The following UBE2E1 variants were observed in gnomAD, a reference collection of about 807,000 sequenced individuals.
UBE2E1 encodes the protein ubiquitin conjugating enzyme E2 E1.
A neutral mutation model predicts 21.4 loss-of-function variants in UBE2E1; 6 were observed. The ratio of observed to expected loss-of-function variants is 0.28; its 90% confidence interval spans 0.15 to 0.55. UBE2E1 has a LOEUF of 0.55. Ranked by LOEUF, UBE2E1 falls within the 20% of genes least tolerant of loss-of-function variation. The probability of loss-of-function intolerance (pLI) is 0.93; values close to 1 mark genes in which losing one functional copy is unlikely to be tolerated. For synonymous variants in UBE2E1, 87 were observed against 82.7 expected (o/e 1.05, Z -0.28); for missense variants, 142 against 236.5 (o/e 0.60, Z 2.62).
In UBE2E1 at chr3:23,887,908, T is replaced by C; in HGVS notation, c.336+209T>C. 1.6e-6 allele frequency: 1 copy of C among 613,728 alleles called. No homozygotes were observed. The highest frequency in any genetic ancestry group is 2.7e-6 in the Non-Finnish European group (1 of 368,828). The allele number at this position is 613,728 out of a possible 1,614,324, so 38.0% of individuals were successfully genotyped here. On this transcript the variant is annotated intron_variant, in intron 4 of 5. Coordinates refer to ENST00000306627, the MANE Select transcript of UBE2E1 (RefSeq NM_003341.5). The surrounding 1 kb of genome is among the most constrained non-coding windows in gnomAD (Gnocchi z 4.4). Reference sequence around the variant, plus strand: ...TCTAGGATTAAGTGCTTTGTTTTGATGGTGCTTAAAATTGTGCTATTTATA... The same window carrying C: ...TCTAGGATTAAGTGCTTTGTTTTGACGGTGCTTAAAATTGTGCTATTTATA...
chr3:23,850,837 CTTTTTTTT>C (rs71057628), intron 3 of UBE2E1, among the ~76,000 whole-genome samples: 168 of 128,448 alleles, frequency 1.3e-3, no homozygotes, highest in African/African-American at 4.3e-3. Flanking sequence ...CCACACCCAG[CTTTTTTTT>C]TTTTTTTTTT....
At chr3:23,811,234 GC>G (rs926022532) in intron 2 of UBE2E1, among the ~76,000 whole-genome samples, 3 of 152,232 alleles carry the variant, frequency 2.0e-5, no homozygotes, top group African/African-American at 7.2e-5. Context: ...AAGGTTGGAA[GC>G]CAAACTTTGC....
intron 3 of UBE2E1, among the ~76,000 whole-genome samples, chr3:23,879,870 C>G (rs1255236997): frequency 6.6e-6 from 1 of 152,226 alleles, no homozygotes; most frequent in East Asian, 1.9e-4. Flanking sequence ...AATATCTGAA[C>G]TATGGTTTAT....
intron 3 of UBE2E1, among the ~76,000 whole-genome samples, chr3:23,878,192 T>C (rs1258939258): frequency 6.6e-6 from 1 of 152,160 alleles, no homozygotes; most frequent in African/African-American, 2.4e-5. Flanking sequence ...CTACATTTAC[T>C]CATCTTCCAC....
chr3:23,882,470 C>G (rs921132307), intron 3 of UBE2E1, among the ~76,000 whole-genome samples: 4 of 152,248 alleles, frequency 2.6e-5, no homozygotes, highest in Non-Finnish European at 5.9e-5. Context: ...TTGGCTTTGC[C>G]TAGTGGATCC....
intron 4 of UBE2E1, among the ~76,000 whole-genome samples, chr3:23,888,414 T>G (rs1701246723): frequency 6.6e-6 from 1 of 152,216 alleles, no homozygotes; most frequent in African/African-American, 2.4e-5. Flanking sequence ...TTTAAAAAAT[T>G]GGTAAAATTA....
At chr3:23,820,692 A>G (rs894070118) in intron 3 of UBE2E1, among the ~76,000 whole-genome samples, 56 of 152,358 alleles carry the variant, frequency 3.7e-4, no homozygotes, top group Admixed American at 2.5e-3. Context: ...CAGATTTGCC[A>G]CAGGTGCCAC....
intron 3 of UBE2E1, among the ~76,000 whole-genome samples, chr3:23,817,708 G>T (rs972161030): frequency 2.0e-5 from 3 of 152,110 alleles, no homozygotes; most frequent in Non-Finnish European, 2.9e-5. Flanking sequence ...ATTCGTGATG[G>T]AACAGTGTAA....
At chr3:23,855,622 G>A (rs1279639652) in intron 3 of UBE2E1, among the ~76,000 whole-genome samples, 1 of 152,116 alleles carries the variant, frequency 6.6e-6, no homozygotes, top group Admixed American at 6.5e-5. Context: ...GAGGTCAGGA[G>A]ATCGAGACCA....
intron 3 of UBE2E1, among the ~76,000 whole-genome samples, chr3:23,860,188 CT>C (rs1446486080): frequency 6.6e-6 from 1 of 152,210 alleles, no homozygotes; most frequent in African/African-American, 2.4e-5. Flanking sequence ...TTTCTGGGTG[CT>C]TTCACCTTGG....
intron 3 of UBE2E1, among the ~76,000 whole-genome samples, chr3:23,847,689 G>T (rs894160008): frequency 2.0e-5 from 3 of 151,658 alleles, no homozygotes; most frequent in Non-Finnish European, 4.4e-5. Context: ...TAGAGACGGG[G>T]TTTCACCGTG....
At chr3:23,861,616 T>C (rs982647372) in intron 3 of UBE2E1, among the ~76,000 whole-genome samples, 5 of 152,134 alleles carry the variant, frequency 3.3e-5, no homozygotes. Flanking sequence ...ACACACAAGC[T>C]GGATGCCGAG....
chr3:23,855,157 G>C (rs1700407287), intron 3 of UBE2E1, among the ~76,000 whole-genome samples: 1 of 152,132 alleles, frequency 6.6e-6, no homozygotes, highest in Non-Finnish European at 1.5e-5. Flanking sequence ...AGCAGTCTTT[G>C]GGTTTAAGTA....
chr3:23,821,930 AC>A (rs771730450), intron 3 of UBE2E1, among the ~76,000 whole-genome samples: 5 of 152,106 alleles, frequency 3.3e-5, no homozygotes, highest in Non-Finnish European at 5.9e-5. Context: ...TGTAAAGGAG[AC>A]CTTACCAAAC....
chr3:23,856,636 C>G (rs1263410724), intron 3 of UBE2E1, among the ~76,000 whole-genome samples: 1 of 152,182 alleles, frequency 6.6e-6, no homozygotes, highest in East Asian at 1.9e-4. Flanking sequence ...CTAAACCCTT[C>G]CCTGAAATGC....
chr3:23,875,677 G>C (rs986852540), intron 3 of UBE2E1, among the ~76,000 whole-genome samples: 2 of 152,214 alleles, frequency 1.3e-5, no homozygotes, highest in African/African-American at 4.8e-5. Flanking sequence ...GAGATCTTAA[G>C]TGCCTGGGAT....
Position 23,876,521 on chromosome 3 carries a change from G to A in UBE2E1, c.204-11046G>A, listed in dbSNP as rs1056026068. ...CTATGAATTTCTTAGCAATAGAAGAGTAAATCAGGAGTGGATTTTTAGTAG... is the reference window on the plus strand; with the variant it reads ...CTATGAATTTCTTAGCAATAGAAGAATAAATCAGGAGTGGATTTTTAGTAG... On this transcript the variant is annotated intron_variant, in intron 3 of 5. Coordinates refer to ENST00000306627, the MANE Select transcript of UBE2E1 (RefSeq NM_003341.5). This position sits in a 1 kb window ranked among gnomAD's most constrained non-coding sequence, Gnocchi z 4.3. Among the ~76,000 whole-genome samples, 3 of 152,164 alleles carry A rather than the reference G, an allele frequency of 2.0e-5. No homozygotes were observed. The highest frequency in any genetic ancestry group is 2.1e-4 in the South Asian group (1 of 4,828).
chr3:23,873,423 G>GGAGGTT (rs1442799626), intron 3 of UBE2E1, among the ~76,000 whole-genome samples: 1 of 139,156 alleles, frequency 7.2e-6, no homozygotes, highest in Non-Finnish European at 1.5e-5. Flanking sequence ...GGGTGCAGGT[G>GGAGGTT]GAGGTTGAGG....
At chr3:23,869,819 C>T (rs113448379) in intron 3 of UBE2E1, among the ~76,000 whole-genome samples, 4 of 150,498 alleles carry the variant, frequency 2.7e-5, no homozygotes, top group Non-Finnish European at 4.4e-5. Flanking sequence ...TTGGGCAGAA[C>T]ACTTGCCTCA....
Sources: allele counts gnomAD v4.1 joint callset (sites outside exome capture counted in the v4.1 genomes callset), GRCh38; gene constraint gnomAD v4.1.1; non-coding constraint Gnocchi (gnomAD v3.1); transcripts MANE v1.5; gene names NCBI Gene and HGNC (gene_info 2026-07-23, HGNC 2026-07-21).